The following GPC5 variants were observed in gnomAD, a reference collection of about 807,000 sequenced individuals.
GPC5 encodes the protein glypican-5.
Under a neutral mutation model 53.9 loss-of-function variants are expected in GPC5, and 47 were observed. That is an observed-to-expected ratio of 0.87 (90% CI 0.69 to 1.11). The LOEUF is 1.11. GPC5 is among the 50% of genes most tolerant of loss of function. The pLI is 0.00. For synonymous variants in GPC5, 286 were observed against 263.3 expected, an observed-to-expected ratio of 1.09 and a Z score of -0.84; for missense variants, 748 against 713.1, an observed-to-expected ratio of 1.05 and a Z score of -0.56.
chr13:91,911,355 C>T (rs2039608540), intron 6 of GPC5, among the ~76,000 whole-genome samples: 1 of 151,918 alleles, frequency 6.6e-6, no homozygotes, highest in Admixed American at 6.6e-5. Flanking sequence ...ACCAGCCTGG[C>T]CAATATGGTG....
At chr13:91,807,014 G>A (rs1594582016) in intron 5 of GPC5, among the ~76,000 whole-genome samples, 1 of 152,064 alleles carries the variant, frequency 6.6e-6, no homozygotes, top group African/African-American at 2.4e-5. Context: ...AAAGAGAAGT[G>A]TGCCTTTTGC....
At chr13:92,505,056 TAG>T (rs1332477330) in intron 7 of GPC5, among the ~76,000 whole-genome samples, 1 of 151,720 alleles carries the variant, frequency 6.6e-6, no homozygotes, top group Non-Finnish European at 1.5e-5. Context: ...TAAGAAACTT[TAG>T]AGAGTCTAAA....
intron 7 of GPC5, among the ~76,000 whole-genome samples, chr13:92,822,670 G>A (rs930367719): frequency 6.6e-6 from 1 of 152,018 alleles, no homozygotes; most frequent in Non-Finnish European, 1.5e-5. Flanking sequence ...TGTCTCTGTT[G>A]TTTCCCAAGG....
At chr13:92,424,851 A>G (rs1368538340) in intron 7 of GPC5, among the ~76,000 whole-genome samples, 1 of 150,946 alleles carries the variant, frequency 6.6e-6, no homozygotes, top group Non-Finnish European at 1.5e-5. Context: ...TTCATTGAAC[A>G]TGTACTGAGT....
intron 4 of GPC5, among the ~76,000 whole-genome samples, chr13:91,740,071 AT>A (rs2036897454): frequency 6.8e-6 from 1 of 146,086 alleles, no homozygotes; most frequent in Non-Finnish European, 1.5e-5. Flanking sequence ...CTGAGCCCAC[AT>A]CCCCACTTAG....
At chr13:92,471,366 G>C (rs935499915) in intron 7 of GPC5, among the ~76,000 whole-genome samples, 1 of 152,082 alleles carries the variant, frequency 6.6e-6, no homozygotes, top group Non-Finnish European at 1.5e-5. Context: ...ATGCACCTGT[G>C]AGCAACAGCC....
intron 7 of GPC5, among the ~76,000 whole-genome samples, chr13:92,651,281 A>G (rs1176211519): frequency 6.6e-6 from 1 of 152,084 alleles, no homozygotes; most frequent in African/African-American, 2.4e-5. Flanking sequence ...GAGAAATTTG[A>G]CAAACACTAC....
chr13:92,442,800 A>C lies in GPC5; in HGVS notation c.1561+297811A>C, dbSNP rs892995363. Among the ~76,000 whole-genome samples the C allele has an allele frequency of 2.9e-4, 44 of 152,220 alleles. 1 individual carries two copies. Among genetic ancestry groups the C allele is most frequent in the Admixed American group, 2.8e-3 (43 of 15,272 alleles). ...AGTATCAGGTCTACATGATCCTGAG[A>C]ATTTCAATCCTCCTAAAGTAGAAGG... is the stretch of plus-strand genomic sequence containing the variant. On this transcript the variant is annotated intron_variant, in intron 7 of 7. Coordinates refer to ENST00000377067, the MANE Select transcript of GPC5 (RefSeq NM_004466.6).
chr13:92,207,177 G>A (rs574878550), intron 7 of GPC5, among the ~76,000 whole-genome samples: 2 of 152,270 alleles, frequency 1.3e-5, no homozygotes, highest in East Asian at 3.9e-4. Context: ...AGTCTAGCAA[G>A]TCCCTCCTCT....
intron 7 of GPC5, among the ~76,000 whole-genome samples, chr13:92,650,761 A>G (rs527712315): frequency 9.8e-5 from 15 of 152,300 alleles, no homozygotes; most frequent in Admixed American, 3.3e-4. Context: ...ATTGGTATAC[A>G]GTGAAATTTT....
chr13:91,751,164 T>TC (rs1301016503), intron 4 of GPC5, among the ~76,000 whole-genome samples: 3 of 152,096 alleles, frequency 2.0e-5, no homozygotes, highest in Non-Finnish European at 4.4e-5. Context: ...CAAAGTAGGA[T>TC]CTCCCCCCAA....
intron 7 of GPC5, among the ~76,000 whole-genome samples, chr13:92,836,966 T>G (rs1250897243): frequency 1.3e-5 from 2 of 151,784 alleles, no homozygotes; most frequent in African/African-American, 2.4e-5. Context: ...ATAGAGAAAT[T>G]TTTTTCTAAA....
rs1205542085 is a variant in GPC5 at position 92,361,885 on chromosome 13, A to G, written c.1561+216896A>G. ...GTGTTTCTTTACCTGACTGGATGAT[A>G]GCATAAGAAGCTAATGACCTACAGC... On this transcript the variant is annotated intron_variant, in intron 7 of 7. Coordinates refer to ENST00000377067, the MANE Select transcript of GPC5 (RefSeq NM_004466.6). Among the ~76,000 whole-genome samples, 5 of 151,620 alleles carry G rather than the reference A, an allele frequency of 3.3e-5. No individual in the cohort carries two copies. In the East Asian group the frequency reaches 9.6e-4, roughly 29 times the overall value.
intron 7 of GPC5, among the ~76,000 whole-genome samples, chr13:92,655,249 C>T (rs1886087337): frequency 6.6e-6 from 1 of 152,074 alleles, no homozygotes; most frequent in Non-Finnish European, 1.5e-5. Context: ...TGTTCTCATC[C>T]ACCGGCAAAC....
chr13:92,040,226 T>C (rs1188298951), intron 6 of GPC5, among the ~76,000 whole-genome samples: 1 of 152,218 alleles, frequency 6.6e-6, no homozygotes, highest in Non-Finnish European at 1.5e-5. Context: ...GTTTGCACTT[T>C]CTCCCCAGCT....
chr13:92,613,334 T>C (rs1330498408), intron 7 of GPC5, among the ~76,000 whole-genome samples: 10 of 105,164 alleles, frequency 9.5e-5, no homozygotes, highest in African/African-American at 3.8e-4. Context: ...TTATATAATA[T>C]AATATATTTA....
At chr13:92,744,707 T>C (rs1889198151) in intron 7 of GPC5, among the ~76,000 whole-genome samples, 2 of 152,104 alleles carry the variant, frequency 1.3e-5, no homozygotes, top group Non-Finnish European at 2.9e-5. Flanking sequence ...TGAAAATTTA[T>C]GGCAGCATAA....
At chr13:92,461,147 G>A (rs756311284) in intron 7 of GPC5, among the ~76,000 whole-genome samples, 8 of 152,052 alleles carry the variant, frequency 5.3e-5, no homozygotes, top group Non-Finnish European at 1.2e-4. Context: ...AACTAAATAA[G>A]AAGTATTCCC....
At chr13:92,363,672 A>G (rs1224414812) in intron 7 of GPC5, among the ~76,000 whole-genome samples, 3 of 151,710 alleles carry the variant, frequency 2.0e-5, no homozygotes, top group Non-Finnish European at 4.4e-5. Flanking sequence ...GACAAAAGCT[A>G]TTTGTACCTG....
Sources: gnomAD v4.1 joint callset for allele counts (sites outside exome capture counted in the v4.1 genomes callset) on GRCh38, gnomAD v4.1.1 for gene constraint, MANE v1.5 for transcripts, NCBI Gene and HGNC (gene_info 2026-07-23, HGNC 2026-07-21) for gene names.